Variants in KIAA0825 observed in about 807,000 individuals in gnomAD.
KIAA0825 encodes the protein uncharacterized protein KIAA0825.
KIAA0825 carries 119 observed loss-of-function variants against 147.6 expected under a neutral mutation model. The ratio of observed to expected loss-of-function variants is 0.81; its 90% CI spans 0.69 to 0.94. KIAA0825 has a LOEUF of 0.94. Ranked by LOEUF, KIAA0825 falls within the 40% of genes least tolerant of loss-of-function variation. The pLI is 0.00. For missense variants in KIAA0825, 1,381 were observed against 1,472.7 expected, an observed-to-expected ratio of 0.94 and a Z score of 1.02; for synonymous variants, 470 against 518.1, an observed-to-expected ratio of 0.91 and a Z score of 1.26.
intron 20 of KIAA0825, among the ~76,000 whole-genome samples, chr5:94,300,496 A>G (rs1409772174): frequency 1.3e-5 from 2 of 152,116 alleles, no homozygotes; most frequent in Admixed American, 6.6e-5. Context: ...TGAGATGGTA[A>G]TTGATATATC....
intron 20 of KIAA0825, among the ~76,000 whole-genome samples, chr5:94,261,584 G>A (rs1219853800): frequency 6.6e-6 from 1 of 152,116 alleles, no homozygotes; most frequent in Non-Finnish European, 1.5e-5. Flanking sequence ...TTAAAATGAA[G>A]TTCTACGTAG....
At position 94,296,191 on chromosome 5, in the gene KIAA0825, C is replaced by T. The variant is rs565219964; in HGVS notation, c.3710+88177G>A. On this transcript the variant is annotated intron_variant, in intron 20 of 20. Coordinates refer to ENST00000682413, the MANE Select transcript of KIAA0825 (RefSeq NM_001145678.3). ...CCACCCAGTTTGAATTTCCAGGTGG[C>T]TTTGTTTACACTGTGAGGGGAAAAC... Among the ~76,000 whole-genome samples, 12 of 152,242 alleles carry T rather than the reference C, an allele frequency of 7.9e-5. No individual in the cohort carries two copies. In the East Asian group the frequency reaches 9.7e-4, roughly 12 times the overall value.
Position 94,357,015 on chromosome 5 carries a change from G to A in KIAA0825, c.3710+27353C>T, listed in dbSNP as rs1006060589. 1.1e-4 allele frequency among the ~76,000 whole-genome samples: 17 copies of A among 152,074 alleles called. No homozygotes were observed. In the East Asian group the frequency reaches 1.6e-3, roughly 14 times the overall value. On this transcript the variant is annotated intron_variant, in intron 20 of 20. Transcript: ENST00000682413. The stretch of plus-strand genomic sequence containing the variant: ...TGGGATTACAGGCGTGAGCCACTGC[G>A]CCCAGCTGTGATGTACCAAATTTTA...
chr5:94,431,966 T>C lies in KIAA0825; in HGVS notation c.2497+8016A>G, dbSNP rs142249385. Among the ~76,000 whole-genome samples, 78 of 152,314 alleles carry C rather than the reference T, an allele frequency of 5.1e-4. 1 individual carries two copies. Among genetic ancestry groups the C allele is most frequent in the African/African-American group, 1.5e-3 (62 of 41,552 alleles). ...GATTAGGGCTCTTACTCTAAAAGCA[T>C]TGGGTAGCCACTATCAGTTTTTAGC... On this transcript the variant is annotated intron_variant, in intron 14 of 20. Coordinates refer to ENST00000682413, the MANE Select transcript of KIAA0825 (RefSeq NM_001145678.3).
chr5:94,583,985 C>T (rs1311694829), intron 1 of KIAA0825, among the ~76,000 whole-genome samples: 1 of 152,072 alleles, frequency 6.6e-6, no homozygotes, highest in Non-Finnish European at 1.5e-5. Context: ...GAAAGGAATA[C>T]CATCAACATC....
At position 94,580,739 on chromosome 5, in the gene KIAA0825, A is replaced by T. The variant is rs1178575107; in HGVS notation, c.-2+1694T>A. On this transcript the variant is annotated intron_variant, in intron 2 of 20. Coordinates refer to ENST00000682413, the MANE Select transcript of KIAA0825 (RefSeq NM_001145678.3). ...AAAATACAAAAAATTAGCCGGGCGTAGTGGCGGGCGCCTGTAGTCCCAGCT... is the reference window on the plus strand; with the variant it reads ...AAAATACAAAAAATTAGCCGGGCGTTGTGGCGGGCGCCTGTAGTCCCAGCT... 4.0e-5 allele frequency among the ~76,000 whole-genome samples: 4 copies of T among 100,478 alleles called. 1 individual carries two copies. Among genetic ancestry groups the T allele is most frequent in the Admixed American group, 3.9e-4 (4 of 10,380 alleles). 65.9% of individuals were successfully genotyped at this position (100,478 alleles called of 152,430 possible). A position where few individuals can be genotyped will look rare whatever the true frequency, so the allele number is the denominator to read the frequency against.
At chr5:94,324,350 G>A (rs947147049) in intron 20 of KIAA0825, among the ~76,000 whole-genome samples, 1 of 151,978 alleles carries the variant, frequency 6.6e-6, no homozygotes, top group Non-Finnish European at 1.5e-5. Context: ...TATATCAAGA[G>A]AGACCATGTG....
In KIAA0825 at chr5:94,470,035, C is replaced by T. The variant is rs530737956; in HGVS notation, c.1798G>A (p.Val600Ile). ...AAAATGCTTGTAGCACAAACTCTGA[C>T]GCAGTAGTTCGTAACCTGAAACTGT... is the stretch of plus-strand genomic sequence containing the variant. ...TLQFQVTNYC[V>I]RVCATSILQD... The change falls in exon 10 of 21, where the codon GTC becomes ATC. Residue 600 changes from valine to isoleucine, a missense_variant. Coordinates refer to ENST00000682413, the MANE Select transcript of KIAA0825 (RefSeq NM_001145678.3). The T allele has an allele frequency of 2.6e-5, 40 of 1,551,666 alleles. No homozygotes were observed. In the East Asian group the frequency reaches 3.4e-4, roughly 13 times the overall value.
chr5:94,493,780 G>A (rs1764011406), intron 5 of KIAA0825, among the ~76,000 whole-genome samples: 3 of 152,148 alleles, frequency 2.0e-5, no homozygotes, highest in South Asian at 2.1e-4. Context: ...GAGTCACCGC[G>A]CCTGGCCAAT....
chr5:94,175,997 G>A (rs972049631), intron 20 of KIAA0825, among the ~76,000 whole-genome samples: 6 of 152,012 alleles, frequency 3.9e-5, no homozygotes, highest in African/African-American at 1.4e-4. Flanking sequence ...TCTGAATTCC[G>A]TATCAAATTT....
chr5:94,597,514 G>C (rs184197531), intron 1 of KIAA0825, among the ~76,000 whole-genome samples: 2 of 152,094 alleles, frequency 1.3e-5, no homozygotes, highest in South Asian at 2.1e-4. Context: ...ATGCATAAAA[G>C]TGTTTGAAAG....
At chr5:94,526,381 C>T (rs1769282471) in intron 3 of KIAA0825, among the ~76,000 whole-genome samples, 2 of 151,910 alleles carry the variant, frequency 1.3e-5, no homozygotes, top group Admixed American at 1.3e-4. Flanking sequence ...ACACAGAGAG[C>T]TTTAGCTATA....
At chr5:94,556,061 T>C (rs1776480584) in intron 2 of KIAA0825, among the ~76,000 whole-genome samples, 1 of 150,796 alleles carries the variant, frequency 6.6e-6, no homozygotes, top group Non-Finnish European at 1.5e-5. Context: ...AATTACTTTT[T>C]TTTTTTTTTG....
At chr5:94,330,137 C>A (rs1005243177) in intron 20 of KIAA0825, among the ~76,000 whole-genome samples, 62 of 152,056 alleles carry the variant, frequency 4.1e-4, no homozygotes, top group African/African-American at 1.4e-3. Flanking sequence ...CAATAAAGCA[C>A]AATGTGGTAG....
Position 94,465,040 on chromosome 5 carries a change from G to C in KIAA0825, c.1892C>G (p.Ser631Trp). ...GCAGAAATAATGCCACATCTGGATCGAGAAGGAACATCTTTCCCCCTGGCA... is the reference window on the plus strand; with the variant it reads ...GCAGAAATAATGCCACATCTGGATCCAGAAGGAACATCTTTCCCCCTGGCA... ...AFYEGERCSF[S>W]IQMWHYFCWS... Residue 631 changes from serine (S) to tryptophan (W), a missense_variant, in exon 11 of 21, where the codon TCG becomes TGG. Transcript: ENST00000682413. 1 of 1,551,430 alleles carries C rather than the reference G, an allele frequency of 6.4e-7. No individual in the cohort carries two copies. Among genetic ancestry groups the C allele is most frequent in the Non-Finnish European group, 8.7e-7 (1 of 1,146,854 alleles).
At chr5:94,453,339 A>ATTTTTTTTTT (rs563316235) in intron 12 of KIAA0825, among the ~76,000 whole-genome samples, 2 of 118,236 alleles carry the variant, frequency 1.7e-5, no homozygotes, top group Non-Finnish European at 1.7e-5. Flanking sequence ...CGTGTGGCTG[A>ATTTTTTTTTT]TTTTTTTTTT....
intron 20 of KIAA0825, among the ~76,000 whole-genome samples, chr5:94,295,897 G>A (rs1002794164): frequency 6.6e-6 from 1 of 152,214 alleles, no homozygotes; most frequent in Admixed American, 6.5e-5. Flanking sequence ...AGGAGGCATG[G>A]AGGTCAGGGA....
intron 20 of KIAA0825, among the ~76,000 whole-genome samples, chr5:94,225,231 A>G (rs1774055745): frequency 6.6e-6 from 1 of 152,356 alleles, no homozygotes; most frequent in East Asian, 1.9e-4. Flanking sequence ...ACAGAGGAGA[A>G]TAAAGTTATC....
chr5:94,341,761 C>G (rs1782415403), intron 20 of KIAA0825, among the ~76,000 whole-genome samples: 1 of 152,034 alleles, frequency 6.6e-6, no homozygotes, highest in Non-Finnish European at 1.5e-5. Context: ...TTATCTCTTA[C>G]AGTTATTTTC....
Sources: gnomAD v4.1 joint callset for allele counts (sites outside exome capture counted in the v4.1 genomes callset) on GRCh38, gnomAD v4.1.1 for gene constraint, MANE v1.5 for transcripts, NCBI Gene and HGNC (gene_info 2026-07-23, HGNC 2026-07-21) for gene names.